The following SLC24A2 variants were observed in gnomAD, a reference collection of about 807,000 sequenced individuals.
SLC24A2 encodes solute carrier family 24 member 2.
SLC24A2 carries 36 observed loss-of-function variants against 62.0 expected under a neutral mutation model. That is an observed-to-expected ratio of 0.58 (90% confidence interval 0.44 to 0.77). The LOEUF is 0.77. SLC24A2 is among the 30% of genes least tolerant of loss of function. The probability of loss-of-function intolerance (pLI) is 0.00; values close to 1 mark genes in which losing one functional copy is unlikely to be tolerated. For synonymous variants in SLC24A2, 358 were observed against 294.0 expected (o/e 1.22, Z -2.23); for missense variants, 846 against 817.9 (o/e 1.03, Z -0.42).
At chr9:19,686,803 G>A (rs1819894800) in intron 2 of SLC24A2, among the ~76,000 whole-genome samples, 1 of 152,032 alleles carries the variant, frequency 6.6e-6, no homozygotes. Flanking sequence ...TGTCTTTATT[G>A]GCAGCATGAG....
chr9:20,097,903 G>A, the SLC24A2 span, among the ~76,000 whole-genome samples: 178 of 151,176 alleles, frequency 1.2e-3, no homozygotes, highest in African/African-American at 4.0e-3. Context: ...ACACCACGCC[G>A]GGCTAATTTT....
the SLC24A2 span, among the ~76,000 whole-genome samples, chr9:20,004,820 T>C: frequency 6.6e-6 from 1 of 152,280 alleles, no homozygotes; most frequent in African/African-American, 2.4e-5. Context: ...GATTTTTTTT[T>C]TTCTTCCTTT....
the SLC24A2 span, among the ~76,000 whole-genome samples, chr9:20,168,952 A>C: frequency 5.3e-5 from 8 of 152,054 alleles, no homozygotes; most frequent in Non-Finnish European, 1.0e-4. Context: ...AAACAACCCA[A>C]TGTCCATCAA....
intron 7 of SLC24A2, among the ~76,000 whole-genome samples, chr9:19,558,865 A>G (rs918385672): frequency 7.9e-5 from 12 of 152,326 alleles, no homozygotes; most frequent in African/African-American, 2.9e-4. Flanking sequence ...AACTGGTAAA[A>G]AGGTATGTGC....
chr9:20,031,363 A>C, the SLC24A2 span, among the ~76,000 whole-genome samples: 1 of 128,194 alleles, frequency 7.8e-6, no homozygotes, highest in Admixed American at 7.5e-5. Flanking sequence ...ATATATATAT[A>C]TATATATATA....
chr9:20,016,613 A>C, the SLC24A2 span, among the ~76,000 whole-genome samples: 2 of 152,230 alleles, frequency 1.3e-5, no homozygotes, highest in African/African-American at 4.8e-5. Flanking sequence ...TTTACTCTTC[A>C]ACTAAAGCTG....
chr9:20,219,322 T>C, the SLC24A2 span, among the ~76,000 whole-genome samples: 5 of 152,126 alleles, frequency 3.3e-5, no homozygotes, highest in African/African-American at 1.2e-4. Flanking sequence ...GCACTGGAAG[T>C]CTGCAGCACA....
intron 10 of SLC24A2, among the ~76,000 whole-genome samples, chr9:19,519,934 C>T (rs1833108652): frequency 6.6e-6 from 1 of 152,326 alleles, no homozygotes; most frequent in Middle Eastern, 3.4e-3. Context: ...CTACCTACCT[C>T]ATTTACTAGT....
At chr9:19,850,300 T>G in the SLC24A2 span, among the ~76,000 whole-genome samples, 1 of 152,168 alleles carries the variant, frequency 6.6e-6, no homozygotes, top group Non-Finnish European at 1.5e-5. Context: ...AAAGAATTTT[T>G]CTAATTTATA....
chr9:19,909,838 G>T, the SLC24A2 span, among the ~76,000 whole-genome samples: 1 of 151,998 alleles, frequency 6.6e-6, no homozygotes, highest in Admixed American at 6.6e-5. Flanking sequence ...TATTGGGGTG[G>T]CATGTTCTAA....
the SLC24A2 span, among the ~76,000 whole-genome samples, chr9:20,212,551 A>G: frequency 2.6e-5 from 4 of 151,656 alleles, no homozygotes; most frequent in African/African-American, 9.8e-5. Context: ...CTCGGGAGGC[A>G]TATGTCCATC....
At chr9:19,762,126 G>C (rs143312013) in intron 2 of SLC24A2, among the ~76,000 whole-genome samples, 9 of 152,028 alleles carry the variant, frequency 5.9e-5, no homozygotes, top group Non-Finnish European at 8.8e-5. Context: ...AGAAGTGTCT[G>C]TTCATATCCT....
At chr9:20,065,854 T>A in the SLC24A2 span, among the ~76,000 whole-genome samples, 1 of 152,218 alleles carries the variant, frequency 6.6e-6, no homozygotes, top group Admixed American at 6.5e-5. Context: ...TTAGGCTTTC[T>A]GATTTCTTGT....
At chr9:20,239,331 G>T in the SLC24A2 span, among the ~76,000 whole-genome samples, 1 of 152,212 alleles carries the variant, frequency 6.6e-6, no homozygotes, top group Non-Finnish European at 1.5e-5. Context: ...CTATTTATCT[G>T]AAATTCAAAT....
At chr9:19,883,236 A>T in the SLC24A2 span, among the ~76,000 whole-genome samples, 1 of 152,200 alleles carries the variant, frequency 6.6e-6, no homozygotes, top group South Asian at 2.1e-4. Flanking sequence ...GTGCCAATCT[A>T]AACCATTTTA....
Position 19,787,066 on chromosome 9 carries a change from C to A in SLC24A2, c.-153-47G>T, listed in dbSNP as rs962438451. 2.3e-6 allele frequency: 3 copies of A among 1,327,884 alleles called. No individual in the cohort carries two copies. In the South Asian group the frequency reaches 5.8e-5, roughly 26 times the overall value. 82.3% of individuals were successfully genotyped at this position (1,327,884 alleles called of 1,614,324 possible). A position where few individuals can be genotyped will look rare whatever the true frequency, so the allele number is the denominator to read the frequency against. On this transcript the variant is annotated intron_variant, in intron 1 of 10. Transcript: ENST00000341998. ...GAATAAGTAAATCATAAAATCACGT[C>A]TTTTTAATAAAGATCTTTGCAGATA...
the SLC24A2 span, among the ~76,000 whole-genome samples, chr9:19,941,957 G>T: frequency 2.0e-3 from 304 of 152,202 alleles, no homozygotes; most frequent in Middle Eastern, 6.8e-3. Flanking sequence ...TCCCTCAAAA[G>T]ATAAAATATG....
chr9:19,774,251 C>A (rs987667770), intron 2 of SLC24A2, among the ~76,000 whole-genome samples: 2 of 152,098 alleles, frequency 1.3e-5, no homozygotes, highest in African/African-American at 2.4e-5. Context: ...TGTTTAATCT[C>A]ATCAAAAATT....
upstream of SLC24A2, among the ~76,000 whole-genome samples, chr9:19,789,080 C>G (rs949860687): frequency 2.6e-5 from 4 of 152,200 alleles, no homozygotes; most frequent in South Asian, 8.3e-4. Context: ...CGCTGCCCGG[C>G]CCCCGCCGGC....
Sources: gnomAD v4.1 joint callset for allele counts (sites outside exome capture counted in the v4.1 genomes callset) on GRCh38, gnomAD v4.1.1 for gene constraint, MANE v1.5 for transcripts, NCBI Gene and HGNC (gene_info 2026-07-23, HGNC 2026-07-21) for gene names.